Variants in RALGAPA1 observed in about 807,000 individuals in gnomAD.
The protein encoded by RALGAPA1 is ral GTPase-activating protein subunit alpha-1.
In RALGAPA1, 52 loss-of-function variants were observed where a neutral mutation model predicts 269.6. That is an observed-to-expected ratio of 0.19 (90% CI 0.15 to 0.24). The LOEUF (loss-of-function observed/expected upper bound fraction) is 0.24, where lower values mean the gene tolerates loss of function less well. RALGAPA1 is among the 10% of genes least tolerant of loss of function. The probability of loss-of-function intolerance (pLI) is 1.00; values close to 1 mark genes in which losing one functional copy is unlikely to be tolerated. For synonymous variants in RALGAPA1, 817 were observed against 1,008.3 expected (o/e 0.81, Z 3.60); for missense variants, 1,917 against 3,013.9 (o/e 0.64, Z 8.52).
At chr14:35,690,406 T>C (rs2066378561) in intron 17 of RALGAPA1, among the ~76,000 whole-genome samples, 1 of 152,190 alleles carries the variant, frequency 6.6e-6, no homozygotes, top group South Asian at 2.1e-4. Flanking sequence ...AGTATCCCAC[T>C]GTAGACTCTT....
intron 39 of RALGAPA1, chr14:35,564,298 TAAA>T (rs760107078): frequency 2.0e-5 from 3 of 152,234 alleles, no homozygotes; most frequent in Non-Finnish European, 2.9e-5. Context: ...AGTAGATACA[TAAA>T]ATTACATAGT....
intron 31 of RALGAPA1, among the ~76,000 whole-genome samples, chr14:35,638,882 C>A (rs185223495): frequency 6.6e-6 from 1 of 151,684 alleles, no homozygotes; most frequent in Non-Finnish European, 1.5e-5. Context: ...GCTGAGATTG[C>A]GCCGCTGCAC....
intron 14 of RALGAPA1, among the ~76,000 whole-genome samples, 154 bp downstream of exon 14, chr14:35,724,870 C>A (rs547563477): frequency 6.6e-6 from 1 of 152,092 alleles, no homozygotes; most frequent in African/African-American, 2.4e-5. Context: ...TACAAAAGAT[C>A]CCTTAATAAA....
intron 1 of RALGAPA1, among the ~76,000 whole-genome samples, chr14:35,782,975 T>C (rs542636244): frequency 2.0e-5 from 3 of 151,790 alleles, no homozygotes; most frequent in Non-Finnish European, 2.9e-5. Context: ...GTTTATGCCA[T>C]TACACCTGGC....
At chr14:35,609,486 T>A (rs2059792059) in intron 35 of RALGAPA1, among the ~76,000 whole-genome samples, 1 of 152,004 alleles carries the variant, frequency 6.6e-6, no homozygotes, top group Non-Finnish European at 1.5e-5. Context: ...AGAGAATGAA[T>A]GAAAATATGG....
At chr14:35,770,011 T>A (rs1397103424) in intron 4 of RALGAPA1, among the ~76,000 whole-genome samples, 1 of 152,070 alleles carries the variant, frequency 6.6e-6, no homozygotes, top group Non-Finnish European at 1.5e-5. Flanking sequence ...ATATTCCTCA[T>A]AAACAGAGAG....
At position 35,689,125 on chromosome 14, in the gene RALGAPA1, G is replaced by A. The variant is rs986068632; in HGVS notation, c.3286C>T (p.His1096Tyr). Residue 1096 changes from histidine (H) to tyrosine (Y), a missense_variant, in exon 18 of 42, where the codon CAT (histidine) becomes TAT (tyrosine). This residue lies in a region of RALGAPA1 where 615 missense variants were observed against 790.0 expected (regional missense o/e 0.78). Coordinates refer to ENST00000680220, the MANE Select transcript of RALGAPA1 (RefSeq NM_001346249.2). Reference sequence around the variant, plus strand: ...GTTGCTTTCTTGGCACGCATAACATGTGGGACAGTGATTTTTTCATTAATT... The same window carrying A: ...GTTGCTTTCTTGGCACGCATAACATATGGGACAGTGATTTTTTCATTAATT... ...VQINEKITVPHVMRAKKATLK... is the reference protein window; with the variant it reads ...VQINEKITVPYVMRAKKATLK... 1.5e-5 allele frequency: 19 copies of A among 1,235,260 alleles called. No individual in the cohort carries two copies. The highest frequency in any genetic ancestry group is 1.8e-5 in the Non-Finnish European group (18 of 989,910). The allele number at this position is 1,235,260 out of a possible 1,614,324, so 76.5% of individuals were successfully genotyped here. A position where few individuals can be genotyped will look rare whatever the true frequency, so the allele number is the denominator to read the frequency against.
intron 35 of RALGAPA1, among the ~76,000 whole-genome samples, chr14:35,613,635 T>C (rs1235032695): frequency 4.6e-5 from 7 of 152,226 alleles, no homozygotes; most frequent in East Asian, 3.8e-4. Context: ...CTTGTGGCTG[T>C]ATGACTACAA....
At chr14:35,553,020 C>T (rs1273101474) in intron 39 of RALGAPA1, among the ~76,000 whole-genome samples, 1 of 152,144 alleles carries the variant, frequency 6.6e-6, no homozygotes, top group African/African-American at 2.4e-5. Context: ...CATAAATTTT[C>T]TGTGCCATAA....
chr14:35,643,612 A>G (rs2062181425), intron 31 of RALGAPA1, among the ~76,000 whole-genome samples: 1 of 152,236 alleles, frequency 6.6e-6, no homozygotes, highest in South Asian at 2.1e-4. Flanking sequence ...TATTTACAAT[A>G]GCCAAAATTT....
intron 35 of RALGAPA1, 121 bp downstream of exon 35, chr14:35,625,240 T>A: frequency 3.6e-6 from 2 of 552,566 alleles, no homozygotes; most frequent in Non-Finnish European, 5.7e-6. Context: ...AAACTTTTGC[T>A]CAGAAAGTTA....
intron 31 of RALGAPA1, among the ~76,000 whole-genome samples, chr14:35,645,547 G>A (rs11848953): frequency 3.9e-4 from 59 of 151,886 alleles, no homozygotes; most frequent in African/African-American, 1.4e-3. Context: ...TGGCTAACAC[G>A]GTGAAACCCC....
intron 4 of RALGAPA1, among the ~76,000 whole-genome samples, chr14:35,768,040 G>A (rs1415933930): frequency 6.6e-6 from 1 of 152,034 alleles, no homozygotes; most frequent in African/African-American, 2.4e-5. Context: ...CTCTCAAAGT[G>A]CTGGGATTAT....
intron 39 of RALGAPA1, among the ~76,000 whole-genome samples, chr14:35,557,461 AAGTAC>A (rs2055741721): frequency 6.6e-6 from 1 of 152,180 alleles, no homozygotes; most frequent in Admixed American, 6.5e-5. Context: ...AGTAGAAACA[AAGTAC>A]AGTAAACTGT....
chr14:35,653,411 G>A (rs2062974476), intron 30 of RALGAPA1, among the ~76,000 whole-genome samples: 1 of 152,132 alleles, frequency 6.6e-6, no homozygotes, highest in Non-Finnish European at 1.5e-5. Flanking sequence ...TGGTATTTAA[G>A]CCAATCACTG....
chr14:35,638,204 A>C (rs2061785109), intron 31 of RALGAPA1, among the ~76,000 whole-genome samples: 1 of 152,222 alleles, frequency 6.6e-6, no homozygotes, highest in Non-Finnish European at 1.5e-5. Flanking sequence ...TGTGTAAACT[A>C]CTCATATTGA....
At chr14:35,769,591 G>A (rs2074466329) in intron 4 of RALGAPA1, among the ~76,000 whole-genome samples, 1 of 151,510 alleles carries the variant, frequency 6.6e-6, no homozygotes, top group Non-Finnish European at 1.5e-5. Context: ...AAATAAAGTT[G>A]AAACCATTAA....
chr14:35,744,750 T>A (rs2071888713), intron 10 of RALGAPA1, among the ~76,000 whole-genome samples: 1 of 152,224 alleles, frequency 6.6e-6, no homozygotes, highest in South Asian at 2.1e-4. Context: ...AATGGCAAGA[T>A]TTTGATCATC....
In RALGAPA1 at chr14:35,715,703, T is replaced by C. The variant is rs983960458; in HGVS notation, c.2266+5985A>G. ...TTGTACAACTGTCAGGAAGCATTAC[T>C]GACCTGAAATTAACTTGTATCCTTC... On this transcript the variant is annotated intron_variant, in intron 16 of 41. Transcript: ENST00000680220. 1.7e-5 allele frequency: 17 copies of C among 984,398 alleles called. No homozygotes were observed. In the African/African-American group the frequency reaches 3.0e-4, roughly 17 times the overall value. 61.0% of individuals were successfully genotyped at this position (984,398 alleles called of 1,614,324 possible).
Sources: allele counts gnomAD v4.1 joint callset (sites outside exome capture counted in the v4.1 genomes callset), GRCh38; gene constraint gnomAD v4.1.1; regional missense constraint gnomAD v4.1.1; transcripts MANE v1.5; gene names NCBI Gene and HGNC (gene_info 2026-07-23, HGNC 2026-07-21).